Variants in TENM3 observed in about 807,000 individuals in gnomAD.
TENM3 encodes teneurin transmembrane protein 3, also known as teneurin-3.
A neutral mutation model predicts 255.1 loss-of-function variants in TENM3; 63 were observed. That is an observed-to-expected ratio of 0.25 (90% confidence interval 0.20 to 0.30). The LOEUF is 0.30. TENM3 is among the 10% of genes least tolerant of loss of function. The pLI is 1.00. For synonymous variants in TENM3, 1,306 were observed against 1,322.3 expected (o/e 0.99, Z 0.27); for missense variants, 2,929 against 3,461.1 (o/e 0.85, Z 3.86).
intron 24 of TENM3, among the ~76,000 whole-genome samples, chr4:182,788,273 ACTG>A (rs1765835565): frequency 6.6e-6 from 1 of 152,224 alleles, no homozygotes; most frequent in Non-Finnish European, 1.5e-5. Context: ...GCCTGCAAAC[ACTG>A]GAGACTATTG....
At chr4:182,432,023 C>T (rs1042481069) in intron 3 of TENM3, among the ~76,000 whole-genome samples, 3 of 149,910 alleles carry the variant, frequency 2.0e-5, no homozygotes, top group Non-Finnish European at 4.4e-5. Context: ...TTGCAGTGGG[C>T]CGAGATCCGA....
intron 3 of TENM3, among the ~76,000 whole-genome samples, chr4:182,476,552 A>G (rs1418981570): frequency 2.6e-5 from 4 of 152,260 alleles, no homozygotes; most frequent in Admixed American, 1.3e-4. Flanking sequence ...TATATTATAT[A>G]TAGAAACATA....
intron 2 of TENM3, among the ~76,000 whole-genome samples, chr4:182,324,988 A>G (rs1257800798): frequency 6.6e-6 from 1 of 152,306 alleles, no homozygotes; most frequent in South Asian, 2.1e-4. Context: ...TTAAGACAGT[A>G]GGTTATTTTT....
At chr4:181,602,910 T>A in the TENM3 span, among the ~76,000 whole-genome samples, 10 of 152,114 alleles carry the variant, frequency 6.6e-5, no homozygotes, top group Non-Finnish European at 8.8e-5. Flanking sequence ...GAAATTTTTT[T>A]AAAAAAAGAA....
chr4:181,542,759 C>A, the TENM3 span, among the ~76,000 whole-genome samples: 1 of 152,140 alleles, frequency 6.6e-6, no homozygotes, highest in Admixed American at 6.5e-5. Flanking sequence ...AGGACTCCAG[C>A]CTTTGATGTC....
At chr4:182,059,197 T>C in the TENM3 span, among the ~76,000 whole-genome samples, 5 of 152,136 alleles carry the variant, frequency 3.3e-5, no homozygotes, top group Admixed American at 2.0e-4. Flanking sequence ...TTGCTACAGA[T>C]ACAACTTTAA....
intron 1 of TENM3, among the ~76,000 whole-genome samples, chr4:182,176,655 G>A (rs1053003671): frequency 3.3e-5 from 5 of 151,494 alleles, no homozygotes; most frequent in African/African-American, 1.2e-4. Context: ...TTTAAAATTT[G>A]GTATACTTTT....
the TENM3 span, among the ~76,000 whole-genome samples, chr4:181,552,304 T>G: frequency 6.6e-6 from 1 of 152,326 alleles, no homozygotes; most frequent in African/African-American, 2.4e-5. Flanking sequence ...CCAAGCATGA[T>G]TAAGTCTATT....
chr4:181,881,510 T>A, the TENM3 span, among the ~76,000 whole-genome samples: 811 of 152,226 alleles, frequency 5.3e-3, 6 homozygotes, highest in African/African-American at 0.018. Flanking sequence ...AAGAAAGGAT[T>A]CATATTTGTT....
chr4:182,459,163 T>G (rs1392496185), intron 3 of TENM3, among the ~76,000 whole-genome samples: 1 of 152,206 alleles, frequency 6.6e-6, no homozygotes, highest in Non-Finnish European at 1.5e-5. Flanking sequence ...TTCAAAAAAA[T>G]TAGATCTATT....
chr4:182,062,416 T>C, the TENM3 span, among the ~76,000 whole-genome samples: 1 of 152,226 alleles, frequency 6.6e-6, no homozygotes, highest in African/African-American at 2.4e-5. Flanking sequence ...CATCAATGCG[T>C]CTCCACATTG....
chr4:182,075,905 A>G, the TENM3 span, among the ~76,000 whole-genome samples: 1 of 152,044 alleles, frequency 6.6e-6, no homozygotes, highest in African/African-American at 2.4e-5. Context: ...TTAGTTCTTC[A>G]TATATCTTCT....
At chr4:181,822,312 T>C in the TENM3 span, among the ~76,000 whole-genome samples, 292 of 152,338 alleles carry the variant, frequency 1.9e-3, 4 homozygotes, top group Admixed American at 4.2e-3. Context: ...TCTTGTTTCT[T>C]TTTGATACTT....
chr4:182,015,503 AC>A, the TENM3 span, among the ~76,000 whole-genome samples: 14 of 151,436 alleles, frequency 9.2e-5, no homozygotes, highest in South Asian at 2.7e-3. Flanking sequence ...GTGTCCAAAA[AC>A]CCCCGTCATT....
Position 182,801,140 on chromosome 4 carries a change from T to A in TENM3, c.*789T>A, listed in dbSNP as rs1022594785. On this transcript the variant is annotated 3_prime_UTR_variant, in exon 28 of 28. Transcript: ENST00000511685. ...ATGATAAAAACGTGAACTGTGTGATTTTTTTAAAAGGATTGCACCTTTTGT... is the reference window on the plus strand; with the variant it reads ...ATGATAAAAACGTGAACTGTGTGATATTTTTAAAAGGATTGCACCTTTTGT... 9 of 152,280 alleles carry A rather than the reference T, an allele frequency of 5.9e-5. No homozygotes were observed. Among genetic ancestry groups the A allele is most frequent in the Non-Finnish European group, 1.3e-4 (9 of 68,018 alleles). 9.4% of individuals were successfully genotyped at this position (152,280 alleles called of 1,614,324 possible).
chr4:182,489,864 C>T (rs74639893), intron 3 of TENM3, among the ~76,000 whole-genome samples: 15 of 66,990 alleles, frequency 2.2e-4, no homozygotes, highest in South Asian at 8.7e-4. Context: ...TCTTCCCTTC[C>T]TCCCTTCCTC....
At chr4:181,561,257 A>T in the TENM3 span, among the ~76,000 whole-genome samples, 1 of 152,182 alleles carries the variant, frequency 6.6e-6, no homozygotes, top group Non-Finnish European at 1.5e-5. Flanking sequence ...CCCCACCTTT[A>T]TCCCTCAATA....
the TENM3 span, among the ~76,000 whole-genome samples, chr4:181,628,281 G>T: frequency 2.6e-5 from 4 of 152,188 alleles, no homozygotes; most frequent in Middle Eastern, 3.4e-3. Flanking sequence ...CATTCTGTAG[G>T]TTGCCTGTTC....
chr4:181,607,550 G>GATT, the TENM3 span, among the ~76,000 whole-genome samples: 1,720 of 152,100 alleles, frequency 0.011, 27 homozygotes, highest in African/African-American at 0.039. Flanking sequence ...GAGTAGCTGA[G>GATT]ATTACCATGC....
Sources: gnomAD v4.1 joint callset for allele counts (sites outside exome capture counted in the v4.1 genomes callset) on GRCh38, gnomAD v4.1.1 for gene constraint, MANE v1.5 for transcripts, NCBI Gene and HGNC (gene_info 2026-07-23, HGNC 2026-07-21) for gene names.